EPHB1: variants seen among roughly 807,000 people sequenced by gnomAD.
The protein encoded by EPHB1 is EPH receptor B1.
A neutral mutation model predicts 94.4 loss-of-function variants in EPHB1; 30 were observed. The ratio of observed to expected loss-of-function variants is 0.32; its 90% CI spans 0.24 to 0.43. The LOEUF (loss-of-function observed/expected upper bound fraction) is 0.43. Ranked by LOEUF, EPHB1 falls within the 20% of genes least tolerant of loss-of-function variation. The pLI is 1.00. For missense variants in EPHB1, 1,055 were observed against 1,308.3 expected (o/e 0.81, Z 2.99); for synonymous variants, 522 against 489.1 (o/e 1.07, Z -0.89).
intron 3 of EPHB1, among the ~76,000 whole-genome samples, chr3:134,958,559 C>T (rs1241483809): frequency 2.0e-5 from 3 of 152,134 alleles, no homozygotes; most frequent in Admixed American, 6.5e-5. Flanking sequence ...CAGATAGCCT[C>T]CTCTCAAGCT....
In EPHB1 at chr3:134,848,476, A is replaced by G. The variant is rs2292658; in HGVS notation, c.58+52787A>G. 2.0e-3 allele frequency among the ~76,000 whole-genome samples: 308 copies of G among 152,382 alleles called. 10 individuals are homozygous for G. The East Asian group carries it at 0.053, about 26-fold the overall frequency. ...GATAATAAAATGGAAATTTTAATCA[A>G]GACGATAACTTTAAGTCAAAGGAGG... is the stretch of plus-strand genomic sequence containing the variant. On this transcript the variant is annotated intron_variant, in intron 1 of 15. Coordinates refer to ENST00000398015, the MANE Select transcript of EPHB1 (RefSeq NM_004441.5).
At chr3:135,254,141 C>T in intron 15 of EPHB1, among the ~76,000 whole-genome samples, 1 of 92,782 alleles carries the variant, frequency 1.1e-5, no homozygotes, top group African/African-American at 4.1e-5. Flanking sequence ...TCTAGATATA[C>T]AATCATGTCA....
chr3:134,954,999 A>C (rs1179737201), intron 3 of EPHB1, among the ~76,000 whole-genome samples: 1 of 143,146 alleles, frequency 7.0e-6, no homozygotes, highest in East Asian at 2.5e-4. Context: ...CTTGCGCATT[A>C]GGATGTGTGG....
At chr3:135,094,696 T>C (rs1455716456) in intron 3 of EPHB1, among the ~76,000 whole-genome samples, 1 of 152,212 alleles carries the variant, frequency 6.6e-6, no homozygotes, top group Non-Finnish European at 1.5e-5. Flanking sequence ...CTGCTCTCTC[T>C]GTCTTCCTCA....
chr3:134,844,552 A>G (rs958239611), intron 1 of EPHB1, among the ~76,000 whole-genome samples: 1 of 152,276 alleles, frequency 6.6e-6, no homozygotes, highest in South Asian at 2.1e-4. Context: ...GGCATAACCA[A>G]CCACTCCAAA....
At chr3:134,957,102 C>T (rs1367741871) in intron 3 of EPHB1, among the ~76,000 whole-genome samples, 1 of 152,182 alleles carries the variant, frequency 6.6e-6, no homozygotes, top group African/African-American at 2.4e-5. Flanking sequence ...AGAGAGAAGA[C>T]TCTCCAAGCC....
At chr3:135,031,785 G>C (rs1936482501) in intron 3 of EPHB1, among the ~76,000 whole-genome samples, 1 of 152,140 alleles carries the variant, frequency 6.6e-6, no homozygotes, top group South Asian at 2.1e-4. Flanking sequence ...TCAAAAGTAT[G>C]CTTGAAAGGT....
intron 2 of EPHB1, among the ~76,000 whole-genome samples, chr3:134,945,343 T>G (rs1410665909): frequency 6.6e-6 from 1 of 152,192 alleles, no homozygotes; most frequent in Admixed American, 6.5e-5. Flanking sequence ...TGGTTTCTTT[T>G]AGTATCTTTG....
At chr3:135,169,667 G>T (rs1476515894) in intron 9 of EPHB1, among the ~76,000 whole-genome samples, 1 of 152,210 alleles carries the variant, frequency 6.6e-6, no homozygotes, top group Non-Finnish European at 1.5e-5. Flanking sequence ...TGGCCAAAGA[G>T]GGGGTAGGGG....
At chr3:134,955,071 CTTT>C (rs1197013147) in intron 3 of EPHB1, among the ~76,000 whole-genome samples, 2 of 8,418 alleles carry the variant, frequency 2.4e-4, no homozygotes, top group Non-Finnish European at 4.2e-4. Context: ...GACATCCTTT[CTTT>C]TTTTTTTTTT....
At chr3:135,049,888 C>T (rs1194183832) in intron 3 of EPHB1, among the ~76,000 whole-genome samples, 1 of 152,152 alleles carries the variant, frequency 6.6e-6, no homozygotes, top group Non-Finnish European at 1.5e-5. Flanking sequence ...GAGTGTTTTT[C>T]CTGTTGGAAA....
intron 1 of EPHB1, among the ~76,000 whole-genome samples, chr3:134,802,893 C>G (rs1333378133): frequency 6.6e-6 from 1 of 152,170 alleles, no homozygotes; most frequent in Non-Finnish European, 1.5e-5. Context: ...AGCTGAAGAT[C>G]TGGGGGCCCT....
chr3:135,025,165 CTTTT>C (rs747024011), intron 3 of EPHB1, among the ~76,000 whole-genome samples: 841 of 80,730 alleles, frequency 0.01, 3 homozygotes, highest in Non-Finnish European at 0.013. Flanking sequence ...TTCCTTCTTT[CTTTT>C]TTTTTTTTTT....
At position 135,218,338 on chromosome 3, in the gene EPHB1, C is replaced by A. The variant is rs574533089; in HGVS notation, c.2346+16649C>A. On this transcript the variant is annotated intron_variant, in intron 12 of 15. Coordinates refer to ENST00000398015, the MANE Select transcript of EPHB1 (RefSeq NM_004441.5). ...GGCTCCTCCTTGCTCTGATATCTCT[C>A]CCTGGGTCACTTTGTTACCAATGCT... 8.5e-5 allele frequency among the ~76,000 whole-genome samples: 13 copies of A among 152,306 alleles called. No homozygotes were observed. The South Asian group carries it at 2.5e-3, about 29-fold the overall frequency.
intron 3 of EPHB1, among the ~76,000 whole-genome samples, chr3:135,092,170 G>A (rs1171845769): frequency 6.6e-6 from 1 of 152,162 alleles, no homozygotes; most frequent in Admixed American, 6.5e-5. Context: ...CTGGCAGCCG[G>A]GCACTGAGAA....
At chr3:134,858,364 G>A (rs1423839719) in intron 1 of EPHB1, among the ~76,000 whole-genome samples, 2 of 152,130 alleles carry the variant, frequency 1.3e-5, no homozygotes, top group Non-Finnish European at 2.9e-5. Context: ...GCAGTGGCAC[G>A]TGGGAGGGCG....
chr3:135,005,694 G>A (rs1398336275), intron 3 of EPHB1, among the ~76,000 whole-genome samples: 2 of 152,220 alleles, frequency 1.3e-5, no homozygotes, highest in Non-Finnish European at 2.9e-5. Context: ...GAAAAGCGCA[G>A]TATTCGGGTG....
At chr3:134,899,706 CA>C in intron 1 of EPHB1, among the ~76,000 whole-genome samples, 1 of 152,246 alleles carries the variant, frequency 6.6e-6, no homozygotes, top group East Asian at 1.9e-4. Context: ...GACAGGGTCT[CA>C]CTCTGTCACC....
At chr3:135,173,462 G>A (rs1351505461) in intron 9 of EPHB1, among the ~76,000 whole-genome samples, 1 of 152,264 alleles carries the variant, frequency 6.6e-6, no homozygotes, top group South Asian at 2.1e-4. Flanking sequence ...CAAAGTGTCA[G>A]GAAGGTCCTC....
Sources: allele counts gnomAD v4.1 joint callset (sites outside exome capture counted in the v4.1 genomes callset), GRCh38; gene constraint gnomAD v4.1.1; transcripts MANE v1.5; gene names NCBI Gene and HGNC (gene_info 2026-07-23, HGNC 2026-07-21).